The following DOCK9 variants were observed in gnomAD, a reference collection of about 807,000 sequenced individuals.
The protein encoded by DOCK9 is dedicator of cytokinesis 9.
A neutral mutation model predicts 263.3 loss-of-function variants in DOCK9; 89 were observed. That is an observed-to-expected ratio of 0.34 (90% CI 0.28 to 0.40). The LOEUF (loss-of-function observed/expected upper bound fraction) is 0.40. Among genes scored for constraint, DOCK9 ranks in the 10% least tolerant of loss-of-function variants. DOCK9 has a pLI of 1.00. For missense variants in DOCK9, 2,140 were observed against 2,603.4 expected, an observed-to-expected ratio of 0.82 and a Z score of 3.87; for synonymous variants, 976 against 973.1, an observed-to-expected ratio of 1.00 and a Z score of -0.06.
chr13:98,845,472 C>A (rs376351982), intron 38 of DOCK9: 3 of 759,268 alleles, frequency 4.0e-6, no homozygotes, highest in East Asian at 6.2e-5. Context: ...CAAGGATTAA[C>A]ATCCATTCAG....
intron 49 of DOCK9, among the ~76,000 whole-genome samples, chr13:98,803,296 G>A (rs2140043673): frequency 6.6e-6 from 1 of 152,306 alleles, no homozygotes; most frequent in East Asian, 1.9e-4. Context: ...GGAGAAATGT[G>A]CCCTGGGAAA....
In DOCK9 at chr13:98,794,604, A is replaced by G. The variant is rs748600668; in HGVS notation, c.*22T>C. ...TTTGCAAATGACAAAGCAAGTCCCCACACACGGGCCATGAGATGTAATCAC... is the reference window on the plus strand; with the variant it reads ...TTTGCAAATGACAAAGCAAGTCCCCGCACACGGGCCATGAGATGTAATCAC... On this transcript the variant is annotated 3_prime_UTR_variant, in exon 53 of 53. Transcript: ENST00000682017. 99 of 1,565,164 alleles carry G rather than the reference A, an allele frequency of 6.3e-5. No individual in the cohort carries two copies. The Middle Eastern group carries it at 6.7e-4, about 11-fold the overall frequency.
intron 1 of DOCK9, among the ~76,000 whole-genome samples, chr13:99,006,986 G>C (rs552914199): frequency 6.6e-6 from 1 of 152,176 alleles, no homozygotes; most frequent in Non-Finnish European, 1.5e-5. Flanking sequence ...CAATTACTCA[G>C]GAGGCTTAGG....
intron 48 of DOCK9, among the ~76,000 whole-genome samples, chr13:98,805,979 C>T (rs1278374197): frequency 6.6e-6 from 1 of 152,134 alleles, no homozygotes; most frequent in Non-Finnish European, 1.5e-5. Context: ...AGGCTGGTCT[C>T]GAACTCCCGA....
At chr13:98,837,427 T>A (rs760018839) in intron 39 of DOCK9, 67 bp downstream of exon 39, 17 of 1,138,408 alleles carry the variant, frequency 1.5e-5, no homozygotes, top group Non-Finnish European at 2.2e-5. Context: ...TTGTGCTCAC[T>A]GAGCTTACCA....
intron 9 of DOCK9, 81 bp from the exon 10 acceptor site, chr13:98,904,787 A>G: frequency 7.9e-7 from 1 of 1,264,284 alleles, no homozygotes; most frequent in Non-Finnish European, 1.1e-6. Context: ...AAAGCTGCCC[A>G]GTCCTGAAGG....
chr13:99,045,047 T>C (rs1030640599), intron 1 of DOCK9, among the ~76,000 whole-genome samples: 2 of 152,220 alleles, frequency 1.3e-5, no homozygotes, highest in African/African-American at 4.8e-5. Flanking sequence ...AATCCCTGCA[T>C]GCTGTTTGTG....
At chr13:98,798,688 C>T (rs763296967) in intron 50 of DOCK9, among the ~76,000 whole-genome samples, 1 of 152,206 alleles carries the variant, frequency 6.6e-6, no homozygotes, top group African/African-American at 2.4e-5. Context: ...AAAGCTGCAG[C>T]GCCAGTGAGC....
In DOCK9 at chr13:98,933,672, C is replaced by T. The variant is rs116216330; in HGVS notation, c.244-3415G>A. The stretch of plus-strand genomic sequence containing the variant: ...TAGTGTAGCATAACTGCTATTTCTT[C>T]GTGCATGTCTTGAACTACACACTAT... On this transcript the variant is annotated intron_variant, in intron 2 of 52. Transcript: ENST00000682017. 1.8e-3 allele frequency among the ~76,000 whole-genome samples: 271 copies of T among 152,344 alleles called. 1 individual carries two copies. Among genetic ancestry groups the T allele is most frequent in the African/African-American group, 6.2e-3 (259 of 41,574 alleles).
At chr13:98,842,931 C>G (rs977106774) in intron 38 of DOCK9, among the ~76,000 whole-genome samples, 3 of 152,200 alleles carry the variant, frequency 2.0e-5, no homozygotes, top group Non-Finnish European at 2.9e-5. Context: ...ATTCTACTTC[C>G]TATCAAAATT....
At chr13:98,856,330 A>T (rs1405343230) in intron 33 of DOCK9, 1 of 223,030 alleles carries the variant, frequency 4.5e-6, no homozygotes, top group East Asian at 9.8e-5. Flanking sequence ...ACTTAAAAAA[A>T]TTAAAAGATA....
intron 13 of DOCK9, among the ~76,000 whole-genome samples, chr13:98,899,052 A>ATTTT (rs71683157): frequency 7.8e-5 from 11 of 140,392 alleles, no homozygotes; most frequent in African/African-American, 2.4e-4. Context: ...ACATTACTTA[A>ATTTT]TTTTTTTTTT....
intron 2 of DOCK9, chr13:98,949,807 G>A: frequency 2.2e-6 from 1 of 465,102 alleles, no homozygotes; most frequent in Non-Finnish European, 4.2e-6. Context: ...TTGGTAGCAT[G>A]ATGGGCCACC....
At chr13:98,970,523 G>A (rs2059633800) in intron 1 of DOCK9, among the ~76,000 whole-genome samples, 2 of 152,182 alleles carry the variant, frequency 1.3e-5, no homozygotes, top group South Asian at 2.1e-4. Flanking sequence ...ATCGCTTGCT[G>A]CTGCCTTTCC....
At chr13:98,925,424 T>A (rs2052774214) in intron 4 of DOCK9, among the ~76,000 whole-genome samples, 1 of 152,188 alleles carries the variant, frequency 6.6e-6, no homozygotes, top group African/African-American at 2.4e-5. Flanking sequence ...CTTGATTTAC[T>A]TTTTTTAAAA....
chr13:98,879,354 C>G (rs1380191921), intron 27 of DOCK9, among the ~76,000 whole-genome samples: 3 of 152,154 alleles, frequency 2.0e-5, no homozygotes, highest in Non-Finnish European at 4.4e-5. Context: ...AAATTTGAGA[C>G]TGCGCATCTG....
intron 1 of DOCK9, among the ~76,000 whole-genome samples, chr13:99,012,410 A>T (rs1449074854): frequency 6.6e-6 from 1 of 152,178 alleles, no homozygotes; most frequent in Non-Finnish European, 1.5e-5. Flanking sequence ...GCCATCCTTC[A>T]TGAATGTTAC....
At chr13:98,876,745 G>A (rs985502173) in intron 27 of DOCK9, among the ~76,000 whole-genome samples, 5 of 152,186 alleles carry the variant, frequency 3.3e-5, no homozygotes, top group African/African-American at 1.2e-4. Flanking sequence ...TGTTAGAGGA[G>A]CTCTCAGCTC....
chr13:98,846,725 G>A (rs2093404616), intron 37 of DOCK9: 8 of 404,310 alleles, frequency 2.0e-5, no homozygotes, highest in South Asian at 1.5e-4. Context: ...GTTATTGTGT[G>A]TAGGAGAACA....
Sources: allele counts gnomAD v4.1 joint callset (sites outside exome capture counted in the v4.1 genomes callset), GRCh38; gene constraint gnomAD v4.1.1; transcripts MANE v1.5; gene names NCBI Gene and HGNC (gene_info 2026-07-23, HGNC 2026-07-21).